The following PDLIM5 variants were observed in gnomAD, a reference collection of about 807,000 sequenced individuals.
PDLIM5 encodes PDZ and LIM domain 5.
Under a neutral mutation model 64.2 loss-of-function variants are expected in PDLIM5, and 34 were observed. The ratio of observed to expected loss-of-function variants is 0.53; its 90% CI spans 0.40 to 0.71. The LOEUF is 0.71. PDLIM5 is among the 30% of genes least tolerant of loss of function. The pLI, the probability that PDLIM5 is intolerant of heterozygous loss-of-function variation, is 0.00. For missense variants in PDLIM5, 683 were observed against 733.6 expected, an observed-to-expected ratio of 0.93 and a Z score of 0.80; for synonymous variants, 253 against 269.1, an observed-to-expected ratio of 0.94 and a Z score of 0.59.
chr4:94,467,985 A>G (rs529916017), intron 2 of PDLIM5, among the ~76,000 whole-genome samples: 2 of 152,298 alleles, frequency 1.3e-5, no homozygotes, highest in South Asian at 4.1e-4. Flanking sequence ...TTAGGTTTTA[A>G]TTGTCTCTTT....
In PDLIM5 at chr4:94,665,852, A is replaced by G; in HGVS notation, c.*1785A>G. On this transcript the variant is annotated 3_prime_UTR_variant, in exon 13 of 13. Coordinates refer to ENST00000317968, the MANE Select transcript of PDLIM5 (RefSeq NM_006457.5). ...AGAGGTTGGGTAGTGTTGGGAGGGG[A>G]GTTTAATTACTCAGATTGGCCTGTT... The G allele has an allele frequency of 7.2e-7, 1 of 1,381,592 alleles. No individual in the cohort carries two copies. Among genetic ancestry groups the G allele is most frequent in the Non-Finnish European group, 9.3e-7 (1 of 1,073,728 alleles). 85.6% of individuals were successfully genotyped at this position (1,381,592 alleles called of 1,614,324 possible). A position where few individuals can be genotyped will look rare whatever the true frequency, so the allele number is the denominator to read the frequency against.
intron 2 of PDLIM5, among the ~76,000 whole-genome samples, chr4:94,521,214 T>C (rs548169654): frequency 6.6e-6 from 1 of 152,256 alleles, no homozygotes; most frequent in African/African-American, 2.4e-5. Flanking sequence ...GGAGTTGATA[T>C]GATTAGAACT....
In PDLIM5 at chr4:94,485,493, G is replaced by T. The variant is rs561687155; in HGVS notation, c.96+30109G>T. Among the ~76,000 whole-genome samples, 25 of 152,264 alleles carry T rather than the reference G, an allele frequency of 1.6e-4. No individual in the cohort carries two copies. In the East Asian group the frequency reaches 4.8e-3, roughly 29 times the overall value. ...ATATGTAGTTAAGAAATTATGTGAA[G>T]TGAGTGAACCGCATGGAGTTCTGTT... On this transcript the variant is annotated intron_variant, in intron 2 of 12. Coordinates refer to ENST00000317968, the MANE Select transcript of PDLIM5 (RefSeq NM_006457.5).
At chr4:94,481,215 CTCTGGAATTCA>C (rs985100104) in intron 2 of PDLIM5, among the ~76,000 whole-genome samples, 8 of 151,472 alleles carry the variant, frequency 5.3e-5, no homozygotes, top group Non-Finnish European at 1.2e-4. Flanking sequence ...TATTTTCAAA[CTCTGGAATTCA>C]TCTGGAATTA....
intron 3 of PDLIM5, chr4:94,549,699 C>T (rs1250944138): frequency 6.6e-6 from 1 of 152,128 alleles, no homozygotes; most frequent in African/African-American, 2.4e-5. Flanking sequence ...AGATACTGTA[C>T]ACACATGTTA....
chr4:94,632,170 C>T (rs1337292665), intron 8 of PDLIM5, among the ~76,000 whole-genome samples: 1 of 152,160 alleles, frequency 6.6e-6, no homozygotes, highest in Non-Finnish European at 1.5e-5. Flanking sequence ...TGGCTTATAA[C>T]CTTCTTTAAA....
intron 7 of PDLIM5, among the ~76,000 whole-genome samples, chr4:94,591,930 C>T (rs1284873823): frequency 6.6e-6 from 1 of 152,248 alleles, no homozygotes; most frequent in African/African-American, 2.4e-5. Context: ...TATTCATCTT[C>T]TCATCACTTT....
At chr4:94,650,000 G>A (rs890994525) in intron 9 of PDLIM5, among the ~76,000 whole-genome samples, 1 of 152,172 alleles carries the variant, frequency 6.6e-6, no homozygotes, top group Non-Finnish European at 1.5e-5. Flanking sequence ...TATGTTAAAG[G>A]ACTGAAAGTT....
intron 12 of PDLIM5, 76 bp from the exon 13 acceptor site, chr4:94,663,902 C>T: frequency 2.0e-6 from 3 of 1,467,968 alleles, no homozygotes; most frequent in Non-Finnish European, 2.8e-6. Context: ...ATCACTCTCT[C>T]CTTCTCCAGC....
chr4:94,529,219 G>T (rs1730641071), intron 3 of PDLIM5, among the ~76,000 whole-genome samples: 1 of 152,152 alleles, frequency 6.6e-6, no homozygotes, highest in African/African-American at 2.4e-5. Context: ...TCACGGAAAG[G>T]AAGGCCAGAG....
chr4:94,469,637 C>T (rs1293243591), intron 2 of PDLIM5, among the ~76,000 whole-genome samples: 1 of 152,170 alleles, frequency 6.6e-6, no homozygotes, highest in Admixed American at 6.5e-5. Context: ...GGTAGGACAA[C>T]TCCTGGGGAT....
chr4:94,486,510 C>CT (rs1726352923), intron 2 of PDLIM5, among the ~76,000 whole-genome samples: 1 of 152,224 alleles, frequency 6.6e-6, no homozygotes, highest in African/African-American at 2.4e-5. Context: ...AAGTACTGTA[C>CT]TTTTTTGAGG....
chr4:94,521,387 C>A (rs1729813018), intron 2 of PDLIM5, among the ~76,000 whole-genome samples: 1 of 152,042 alleles, frequency 6.6e-6, no homozygotes, highest in African/African-American at 2.4e-5. Context: ...AAGACTTGGA[C>A]TGTCATAGGA....
chr4:94,465,287 A>G (rs1724249543), intron 2 of PDLIM5, among the ~76,000 whole-genome samples: 1 of 152,206 alleles, frequency 6.6e-6, no homozygotes, highest in African/African-American at 2.4e-5. Flanking sequence ...TAATGAAAAT[A>G]TGCTAACGTT....
intron 2 of PDLIM5, among the ~76,000 whole-genome samples, chr4:94,478,504 C>A (rs141993234): frequency 5.5e-4 from 84 of 152,152 alleles, no homozygotes; most frequent in African/African-American, 1.9e-3. Context: ...CTTTCATGAA[C>A]CTCCTTAAAA....
At chr4:94,556,208 A>G (rs1560699968) in intron 3 of PDLIM5, among the ~76,000 whole-genome samples, 1 of 152,116 alleles carries the variant, frequency 6.6e-6, no homozygotes, top group Non-Finnish European at 1.5e-5. Context: ...TTCCAGCTTC[A>G]TCAATGTCCC....
chr4:94,458,231 C>T (rs1723553086), intron 2 of PDLIM5, among the ~76,000 whole-genome samples: 1 of 152,002 alleles, frequency 6.6e-6, no homozygotes, highest in African/African-American at 2.4e-5. Context: ...TGTAAAATTA[C>T]TGGGATATTA....
At chr4:94,620,937 G>C (rs1279348519) in intron 8 of PDLIM5, among the ~76,000 whole-genome samples, 1 of 144,500 alleles carries the variant, frequency 6.9e-6, no homozygotes, top group Non-Finnish European at 1.5e-5. Context: ...CAGGCGTGGT[G>C]GTGGGCACCT....
At chr4:94,454,601 C>T (rs1455794540) in intron 1 of PDLIM5, among the ~76,000 whole-genome samples, 2 of 152,068 alleles carry the variant, frequency 1.3e-5, no homozygotes, top group East Asian at 3.9e-4. Context: ...TAGAGTATTG[C>T]CTATCGTTGA....
Sources: allele counts gnomAD v4.1 joint callset (sites outside exome capture counted in the v4.1 genomes callset), GRCh38; gene constraint gnomAD v4.1.1; transcripts MANE v1.5; gene names NCBI Gene and HGNC (gene_info 2026-07-23, HGNC 2026-07-21).